GRM8: variants seen among roughly 807,000 people sequenced by gnomAD.
GRM8 encodes the protein metabotropic glutamate receptor 8.
A neutral mutation model predicts 87.2 loss-of-function variants in GRM8; 47 were observed. The ratio of observed to expected loss-of-function variants is 0.54; its 90% CI spans 0.43 to 0.69. The LOEUF (loss-of-function observed/expected upper bound fraction) is 0.69. GRM8 is among the 30% of genes least tolerant of loss of function. The pLI, the probability that GRM8 is intolerant of heterozygous loss-of-function variation, is 0.00. For synonymous variants in GRM8, 396 were observed against 404.5 expected (o/e 0.98, Z 0.25); for missense variants, 1,019 against 1,139.2 (o/e 0.89, Z 1.52).
chr7:126,768,675 A>C (rs61755404), intron 7 of GRM8, among the ~76,000 whole-genome samples: 3,384 of 151,976 alleles, frequency 0.022, 133 homozygotes, highest in African/African-American at 0.077. Flanking sequence ...TATTCTTCCC[A>C]CTTCTTAACT....
In GRM8 at chr7:126,911,543, C is replaced by T. The variant is rs144505941; in HGVS notation, c.728-6860G>A. Among the ~76,000 whole-genome samples, 5 of 152,340 alleles carry T rather than the reference C, an allele frequency of 3.3e-5. No homozygotes were observed. The East Asian group carries it at 7.7e-4, about 24-fold the overall frequency. On this transcript the variant is annotated intron_variant, in intron 3 of 10. Coordinates refer to ENST00000339582, the MANE Select transcript of GRM8 (RefSeq NM_000845.3). ...CTGTTTCATTCAAACATTTGTGCTA[C>T]CTTTTTAAGAGGCTGGAATCTAATG... is the stretch of plus-strand genomic sequence containing the variant.
chr7:127,124,027 C>G (rs1432974195), intron 2 of GRM8, among the ~76,000 whole-genome samples: 1 of 152,100 alleles, frequency 6.6e-6, no homozygotes, highest in Non-Finnish European at 1.5e-5. Flanking sequence ...AAGTCATTAA[C>G]CACATACTTT....
chr7:127,165,316 A>G (rs917860153), intron 2 of GRM8, among the ~76,000 whole-genome samples: 1 of 151,342 alleles, frequency 6.6e-6, no homozygotes, highest in African/African-American at 2.4e-5. Flanking sequence ...TTGATGATAA[A>G]ACACATATTG....
intron 8 of GRM8, among the ~76,000 whole-genome samples, chr7:126,566,463 A>G (rs1287356885): frequency 6.6e-6 from 1 of 152,212 alleles, no homozygotes; most frequent in African/African-American, 2.4e-5. Flanking sequence ...AATCAGGAAA[A>G]TGCAAATCAA....
chr7:127,154,038 T>C (rs2116135461), intron 2 of GRM8, among the ~76,000 whole-genome samples: 1 of 152,100 alleles, frequency 6.6e-6, no homozygotes, highest in Admixed American at 6.5e-5. Context: ...AAAACCACCT[T>C]TGAGAGTAGC....
intron 9 of GRM8, among the ~76,000 whole-genome samples, chr7:126,454,093 A>G (rs1802949532): frequency 6.6e-6 from 1 of 151,814 alleles, no homozygotes; most frequent in African/African-American, 2.4e-5. Context: ...TCAGGTAGAG[A>G]ACAAATAAAT....
At chr7:127,027,960 C>T (rs1816958702) in intron 3 of GRM8, among the ~76,000 whole-genome samples, 1 of 152,126 alleles carries the variant, frequency 6.6e-6, no homozygotes, top group South Asian at 2.1e-4. Flanking sequence ...ACAATATTGG[C>T]TGTGGGTCTG....
intron 10 of GRM8, among the ~76,000 whole-genome samples, chr7:126,441,192 G>C (rs1801432196): frequency 6.6e-6 from 1 of 151,926 alleles, no homozygotes; most frequent in South Asian, 2.1e-4. Flanking sequence ...AGGTAAACAT[G>C]CTAAAATATC....
chr7:127,232,492 C>T (rs1797753028), intron 2 of GRM8, among the ~76,000 whole-genome samples: 1 of 152,146 alleles, frequency 6.6e-6, no homozygotes, highest in Non-Finnish European at 1.5e-5. Flanking sequence ...TCAAGTAATC[C>T]ATCCACCTTG....
At chr7:126,680,305 C>G (rs1807410003) in intron 7 of GRM8, among the ~76,000 whole-genome samples, 2 of 152,284 alleles carry the variant, frequency 1.3e-5, no homozygotes, top group South Asian at 4.1e-4. Flanking sequence ...GACCAGCCTG[C>G]TCAACCTTCA....
At position 126,630,921 on chromosome 7, in the gene GRM8, T is replaced by C. The variant is rs796675004; in HGVS notation, c.1358-21423A>G. 2.6e-4 allele frequency among the ~76,000 whole-genome samples: 39 copies of C among 152,138 alleles called. 1 individual carries two copies. The highest frequency in any genetic ancestry group is 9.2e-4 in the African/African-American group (38 of 41,530). ...ATAGACTACAAACCCACACAGCCAA[T>C]ATCATATTGAATGGGCAAAAGCTGA... On this transcript the variant is annotated intron_variant, in intron 7 of 10. Coordinates refer to ENST00000339582, the MANE Select transcript of GRM8 (RefSeq NM_000845.3).
intron 2 of GRM8, among the ~76,000 whole-genome samples, chr7:127,197,153 A>G (rs1795326170): frequency 6.6e-6 from 1 of 152,224 alleles, no homozygotes; most frequent in Non-Finnish European, 1.5e-5. Context: ...ACATTTAAGC[A>G]TATGGATTTG....
intron 2 of GRM8, among the ~76,000 whole-genome samples, chr7:127,161,189 A>G (rs17866251): frequency 0.011 from 1,692 of 152,324 alleles, 31 homozygotes; most frequent in African/African-American, 0.038. Flanking sequence ...TAGGAAAACA[A>G]CAAACTACAT....
At chr7:127,116,514 C>T (rs1272841044) in intron 2 of GRM8, among the ~76,000 whole-genome samples, 1 of 152,146 alleles carries the variant, frequency 6.6e-6, no homozygotes, top group Admixed American at 6.5e-5. Context: ...AAATAATCAA[C>T]CAAATAAACA....
intron 7 of GRM8, among the ~76,000 whole-genome samples, chr7:126,644,118 A>G (rs1224547441): frequency 3.3e-5 from 5 of 152,250 alleles, no homozygotes; most frequent in South Asian, 2.1e-4. Flanking sequence ...TCTTGGATCT[A>G]TGTTGTGATT....
intron 3 of GRM8, among the ~76,000 whole-genome samples, chr7:126,979,050 T>C (rs185255397): frequency 1.9e-3 from 282 of 152,342 alleles, no homozygotes; most frequent in African/African-American, 6.4e-3. Context: ...GCATAAATTA[T>C]GTGTAAAGAT....
At chr7:127,180,084 T>C (rs1794347760) in intron 2 of GRM8, among the ~76,000 whole-genome samples, 2 of 148,920 alleles carry the variant, frequency 1.3e-5, no homozygotes, top group African/African-American at 5.2e-5. Flanking sequence ...AAAAGATAAA[T>C]AAAATTGATA....
At chr7:126,855,993 T>G (rs1339517783) in intron 6 of GRM8, among the ~76,000 whole-genome samples, 1 of 152,172 alleles carries the variant, frequency 6.6e-6, no homozygotes, top group Non-Finnish European at 1.5e-5. Flanking sequence ...ATTGTGAGAA[T>G]GGAGAGTCTT....
At chr7:126,482,197 T>C (rs1806765152) in intron 9 of GRM8, among the ~76,000 whole-genome samples, 1 of 152,026 alleles carries the variant, frequency 6.6e-6, no homozygotes, top group South Asian at 2.1e-4. Flanking sequence ...TGTGCCCTGT[T>C]TGTAGTAATG....
Sources: allele counts gnomAD v4.1 joint callset (sites outside exome capture counted in the v4.1 genomes callset), GRCh38; gene constraint gnomAD v4.1.1; transcripts MANE v1.5; gene names NCBI Gene and HGNC (gene_info 2026-07-23, HGNC 2026-07-21).